CD28: variants seen among roughly 807,000 people sequenced by gnomAD.
CD28 encodes the protein CD28 molecule.
A neutral mutation model predicts 21.4 loss-of-function variants in CD28; 8 were observed. That is an observed-to-expected ratio of 0.37 (90% CI 0.22 to 0.68). The LOEUF (loss-of-function observed/expected upper bound fraction) is 0.68. CD28 is among the 30% of genes least tolerant of loss of function. The pLI is 0.55. For missense variants in CD28, 239 were observed against 272.2 expected (o/e 0.88, Z 0.86); for synonymous variants, 106 against 104.0 (o/e 1.02, Z -0.12).
chr2:203,712,643 G>A (rs1029476018), intron 1 of CD28, among the ~76,000 whole-genome samples: 1 of 152,112 alleles, frequency 6.6e-6, no homozygotes, highest in Non-Finnish European at 1.5e-5. Context: ...TAAGCATATA[G>A]TTACTCAATA....
Position 203,735,647 on chromosome 2 carries a change from C to T in CD28, c.*735C>T, listed in dbSNP as rs199732441. The T allele has an allele frequency of 1.0e-4, 16 of 152,562 alleles. No individual in the cohort carries two copies. Among genetic ancestry groups the T allele is most frequent in the Non-Finnish European group, 1.9e-4 (13 of 68,026 alleles). 9.5% of individuals were successfully genotyped at this position (152,562 alleles called of 1,614,324 possible). ...AGTGTTAATGTTCACAATATACTTT[C>T]GAAAGAATAAAATAGTTCTCCTACA... On this transcript the variant is annotated 3_prime_UTR_variant, in exon 4 of 4. Transcript: ENST00000324106.
At chr2:203,706,807 T>G in intron 1 of CD28, 59 bp downstream of exon 1, 1 of 1,284,346 alleles carries the variant, frequency 7.8e-7, no homozygotes, top group Non-Finnish European at 1.1e-6. Flanking sequence ...CCAATTGGCT[T>G]AGTTTATTTT....
intron 1 of CD28, among the ~76,000 whole-genome samples, chr2:203,714,850 A>T (rs1392253020): frequency 6.6e-6 from 1 of 152,188 alleles, no homozygotes; most frequent in Non-Finnish European, 1.5e-5. Context: ...AATGCTGCTA[A>T]TGTGCTTAGA....
At chr2:203,725,348 C>T (rs4675363) in intron 1 of CD28, among the ~76,000 whole-genome samples, 117,055 of 151,418 alleles carry the variant, frequency 0.77, 45,415 homozygotes, top group East Asian at 0.92. Context: ...AAGTTGATTC[C>T]CAGTTTCTCA....
intron 3 of CD28, among the ~76,000 whole-genome samples, chr2:203,732,820 T>G (rs1233007876): frequency 6.6e-6 from 1 of 152,164 alleles, no homozygotes; most frequent in African/African-American, 2.4e-5. Flanking sequence ...ACTGCTGTGT[T>G]TAGAGTTAGG....
chr2:203,716,260 C>T (rs1693459918), intron 1 of CD28, among the ~76,000 whole-genome samples: 1 of 152,106 alleles, frequency 6.6e-6, no homozygotes, highest in Admixed American at 6.5e-5. Flanking sequence ...CCTTATGGCC[C>T]AGCTAAATGT....
chr2:203,731,900 G>C (rs561433517), intron 3 of CD28, among the ~76,000 whole-genome samples: 21 of 152,170 alleles, frequency 1.4e-4, no homozygotes, highest in Middle Eastern at 3.4e-3. Context: ...TAGTCAATTC[G>C]GTTACCCAAT....
In CD28 at chr2:203,729,639, G is replaced by A. The variant is rs771162273; in HGVS notation, c.410-9G>A. 2 of 1,612,396 alleles carry A rather than the reference G, an allele frequency of 1.2e-6. No individual in the cohort carries two copies. The highest frequency in any genetic ancestry group is 1.7e-6 in the Non-Finnish European group (2 of 1,179,364). On this transcript the variant is annotated splice_polypyrimidine_tract_variant and intron_variant, in intron 2 of 3. Transcript: ENST00000324106. ...TGTATCATTTAATCCACTCTATTTT[G>A]TTTTTCAGGGAAACACCTTTGTCCA...
rs1287139986 is a variant in CD28 at position 203,738,420 on chromosome 2, C to T, written c.*3508C>T. 2.0e-5 allele frequency: 3 copies of T among 152,160 alleles called. No individual in the cohort carries two copies. The highest frequency in any genetic ancestry group is 2.9e-5 in the Non-Finnish European group (2 of 68,032). 9.4% of individuals were successfully genotyped at this position (152,160 alleles called of 1,614,324 possible). A position where few individuals can be genotyped will look rare whatever the true frequency, so the allele number is the denominator to read the frequency against. ...GAACCAGGATCTTGATTGCTATAGA[C>T]TTATTAATAATCCAGGTCAAAGAGA... On this transcript the variant is annotated 3_prime_UTR_variant, in exon 4 of 4. Coordinates refer to ENST00000324106, the MANE Select transcript of CD28 (RefSeq NM_006139.4).
intron 1 of CD28, among the ~76,000 whole-genome samples, chr2:203,717,438 G>A (rs1693490279): frequency 6.6e-6 from 1 of 152,064 alleles, no homozygotes; most frequent in Non-Finnish European, 1.5e-5. Flanking sequence ...GGTCTCTTTC[G>A]ACCTAAGGGT....
chr2:203,733,272 C>T (rs939349614), intron 3 of CD28, among the ~76,000 whole-genome samples: 12 of 152,176 alleles, frequency 7.9e-5, no homozygotes, highest in Admixed American at 1.3e-4. Flanking sequence ...CATCCCTCCC[C>T]GTTGTGATGA....
chr2:203,732,938 C>T (rs2106124793), intron 3 of CD28, among the ~76,000 whole-genome samples: 1 of 152,320 alleles, frequency 6.6e-6, no homozygotes, highest in Non-Finnish European at 1.5e-5. Flanking sequence ...ACCTGAGAAT[C>T]AAGACACCTT....
chr2:203,722,896 A>T (rs1693640079), intron 1 of CD28, among the ~76,000 whole-genome samples: 1 of 152,174 alleles, frequency 6.6e-6, no homozygotes. Context: ...GAGGTTGGAA[A>T]AACCTGTGGA....
chr2:203,710,083 A>C (rs1268224906), intron 1 of CD28, among the ~76,000 whole-genome samples: 1 of 152,236 alleles, frequency 6.6e-6, no homozygotes, highest in Non-Finnish European at 1.5e-5. Flanking sequence ...TGTTTCTCAC[A>C]GTTAAGTGTT....
At position 203,712,474 on chromosome 2, in the gene CD28, C is replaced by G. The variant is rs139186896; in HGVS notation, c.52+5726C>G. 3.0e-3 allele frequency among the ~76,000 whole-genome samples: 460 copies of G among 152,178 alleles called. 13 individuals are homozygous for G. The highest frequency in any genetic ancestry group is 3.8e-3 in the Non-Finnish European group (260 of 68,012). On this transcript the variant is annotated intron_variant, in intron 1 of 3. Transcript: ENST00000324106. ...CACCTGAAGAAGCCTTCTCTGAGACCCCAAATGGCAAAGAGAGGGACTTCC... is the reference window on the plus strand; with the variant it reads ...CACCTGAAGAAGCCTTCTCTGAGACGCCAAATGGCAAAGAGAGGGACTTCC...
chr2:203,711,428 G>T (rs1406772493), intron 1 of CD28, among the ~76,000 whole-genome samples: 1 of 152,342 alleles, frequency 6.6e-6, no homozygotes, highest in East Asian at 1.9e-4. Context: ...CACCATGCAG[G>T]TTATATGTGC....
Position 203,729,679 on chromosome 2 carries a change from C to G in CD28, c.441C>G (p.Pro147=), listed in dbSNP as rs184517165. ...ACCTTTGTCCAAGTCCCCTATTTCC[C>G]GGACCTTCTAAGCCCTTTTGGGTGC... is the stretch of plus-strand genomic sequence containing the variant. ...GKHLCPSPLF[P]GPSKPFWVLV... Residue 147 remains proline, a synonymous_variant, in exon 3 of 4, where the codon CCC becomes CCG. Transcript: ENST00000324106. 1 of 1,614,004 alleles carries G rather than the reference C, an allele frequency of 6.2e-7. No homozygotes were observed. Among genetic ancestry groups the G allele is most frequent in the Admixed American group, 1.7e-5 (1 of 60,012 alleles).
At chr2:203,729,027 T>A (rs1246113323) in intron 2 of CD28, among the ~76,000 whole-genome samples, 1 of 152,226 alleles carries the variant, frequency 6.6e-6, no homozygotes, top group Non-Finnish European at 1.5e-5. Context: ...GCAGCTAGGA[T>A]GGAAAATCAA....
intron 1 of CD28, among the ~76,000 whole-genome samples, chr2:203,723,244 A>G (rs1172723537): frequency 6.6e-6 from 1 of 152,156 alleles, no homozygotes; most frequent in Non-Finnish European, 1.5e-5. Context: ...AGAAACTTGT[A>G]TCAAGGCTGA....
Sources: gnomAD v4.1 joint callset for allele counts (sites outside exome capture counted in the v4.1 genomes callset) on GRCh38, gnomAD v4.1.1 for gene constraint, MANE v1.5 for transcripts, NCBI Gene and HGNC (gene_info 2026-07-23, HGNC 2026-07-21) for gene names.